Variants in AGTRAP observed in about 807,000 individuals in gnomAD.
The protein encoded by AGTRAP is type-1 angiotensin II receptor-associated protein.
A neutral mutation model predicts 15.2 loss-of-function variants in AGTRAP; 7 were observed. The observed-to-expected ratio is 0.46, with a 90% confidence interval of 0.26 to 0.87. The LOEUF (loss-of-function observed/expected upper bound fraction) is 0.87, where lower values mean the gene tolerates loss of function less well. Among genes scored for constraint, AGTRAP ranks in the 40% least tolerant of loss-of-function variants. The pLI, the probability that AGTRAP is intolerant of heterozygous loss-of-function variation, is 0.15. For missense variants in AGTRAP, 187 were observed against 213.4 expected (o/e 0.88, Z 0.77); for synonymous variants, 74 against 89.6 (o/e 0.83, Z 0.98).
intron 4 of AGTRAP, 149 bp downstream of exon 4, chr1:11,748,759 G>A (rs1351641027): frequency 2.1e-6 from 2 of 944,460 alleles, no homozygotes; most frequent in African/African-American, 1.7e-5. Flanking sequence ...GTACTAGGCT[G>A]GACAGGTCCA....
At chr1:11,736,305 G>A in intron 1 of AGTRAP, 70 bp downstream of exon 1, 2 of 1,571,608 alleles carry the variant, frequency 1.3e-6, no homozygotes, top group East Asian at 2.3e-5. Context: ...CCCGGAAGGT[G>A]GGAGGAAGGA....
In AGTRAP at chr1:11,750,348, C is replaced by T. The variant is rs369321858; in HGVS notation, c.*156C>T. The T allele has an allele frequency of 2.2e-5, 16 of 726,858 alleles. No homozygotes were observed. The highest frequency in any genetic ancestry group is 3.6e-4 in the Middle Eastern group (1 of 2,794). 45.0% of individuals were successfully genotyped at this position (726,858 alleles called of 1,614,324 possible). On this transcript the variant is annotated 3_prime_UTR_variant, in exon 5 of 5. Coordinates refer to ENST00000314340, the MANE Select transcript of AGTRAP (RefSeq NM_020350.5). Reference sequence around the variant, plus strand: ...CAAGAGGCCAGGAGCCCCCATGGGCCGCCCAGTACCATGCACACTCCTGTC... The same window carrying T: ...CAAGAGGCCAGGAGCCCCCATGGGCTGCCCAGTACCATGCACACTCCTGTC...
intron 1 of AGTRAP, among the ~76,000 whole-genome samples, chr1:11,737,181 A>G (rs1418761140): frequency 6.6e-6 from 1 of 152,236 alleles, no homozygotes; most frequent in Non-Finnish European, 1.5e-5. Context: ...CATCTGTGCT[A>G]TGACTTGCTA....
rs1288345361 is a variant in AGTRAP, at chr1:11,745,667, C to T, written c.28-136C>T. The T allele has an allele frequency of 3.3e-6, 3 of 921,388 alleles. No homozygotes were observed. Among genetic ancestry groups the T allele is most frequent in the Non-Finnish European group, 5.3e-6 (3 of 566,582 alleles). 57.1% of individuals were successfully genotyped at this position (921,388 alleles called of 1,614,324 possible). On this transcript the variant is annotated intron_variant, in intron 1 of 4. Coordinates refer to ENST00000314340, the MANE Select transcript of AGTRAP (RefSeq NM_020350.5). The surrounding 1 kb of genome is among the most constrained non-coding windows in gnomAD (Gnocchi z 4.2). ...TGGGCCACCTGCAGTTGCTGGTGTG[C>T]CTTTTCAACAGACATTACTGAGGCC...
chr1:11,742,894 C>G (rs4073575), intron 1 of AGTRAP, among the ~76,000 whole-genome samples: 35,266 of 152,184 alleles, frequency 0.23, 4,723 homozygotes, highest in East Asian at 0.34. Flanking sequence ...GAAACCCCGG[C>G]CTTCTTCGCA....
intron 3 of AGTRAP, among the ~76,000 whole-genome samples, chr1:11,748,094 G>A (rs888265592): frequency 6.6e-6 from 1 of 152,180 alleles, no homozygotes; most frequent in African/African-American, 2.4e-5. Context: ...GTTGGAGAAG[G>A]ACTGGGTGAA....
chr1:11,742,800 G>C (rs2100768356), intron 1 of AGTRAP, among the ~76,000 whole-genome samples: 1 of 152,322 alleles, frequency 6.6e-6, no homozygotes, highest in East Asian at 1.9e-4. Context: ...AAAGTGTTGG[G>C]ATTACAGGCG....
At chr1:11,742,465 T>C (rs1275657406) in intron 1 of AGTRAP, among the ~76,000 whole-genome samples, 9 of 148,738 alleles carry the variant, frequency 6.1e-5, no homozygotes, top group Non-Finnish European at 1.2e-4. Flanking sequence ...TCCTTCCTTC[T>C]TTCCTTCCTT....
intron 3 of AGTRAP, 53 bp downstream of exon 3, chr1:11,747,598 A>G: frequency 6.4e-7 from 1 of 1,568,292 alleles, no homozygotes; most frequent in Non-Finnish European, 8.7e-7. Context: ...GCACAGGGCA[A>G]GACATAGCCT....
At chr1:11,738,087 T>G (rs145068932) in intron 1 of AGTRAP, among the ~76,000 whole-genome samples, 73 of 152,356 alleles carry the variant, frequency 4.8e-4, no homozygotes, top group African/African-American at 1.8e-3. Context: ...TATTTTTGTT[T>G]GCTGGATCTG....
At chr1:11,741,510 G>A (rs1049248784) in intron 1 of AGTRAP, among the ~76,000 whole-genome samples, 5 of 152,274 alleles carry the variant, frequency 3.3e-5, no homozygotes, top group East Asian at 3.9e-4. Flanking sequence ...ACTTAACACC[G>A]TTTATCACTT....
rs1642193054 is a variant in AGTRAP, at chr1:11,747,492, G to T, written c.115G>T (p.Ala39Ser). ...SYAWANFTIL[A>S]LGVWAVAQRD... ...TGCCTGGGCCAACTTCACCATCCTG[G>T]CCTTGGGCGTGTGGGCTGTGGCTCA... Residue 39 changes from alanine to serine, a missense_variant, in exon 3 of 5, where the codon GCC (alanine) becomes TCC (serine). Coordinates refer to ENST00000314340, the MANE Select transcript of AGTRAP (RefSeq NM_020350.5). The T allele has an allele frequency of 6.2e-7, 1 of 1,614,046 alleles. No individual in the cohort carries two copies.
chr1:11,748,525 C>T lies in AGTRAP; in HGVS notation c.279C>T (p.Ile93=). 1 of 1,612,460 alleles carries T rather than the reference C, an allele frequency of 6.2e-7. No individual in the cohort carries two copies. Among genetic ancestry groups the T allele is most frequent in the South Asian group, 1.1e-5 (1 of 91,090 alleles). Residue 93 remains isoleucine, a synonymous_variant, in exon 4 of 5, where the codon ATC becomes ATT. Transcript: ENST00000314340. The stretch of plus-strand genomic sequence containing the variant: ...GCCGCTTTGGCGTGGGCATGGCCAT[C>T]CTCAGCTTGCTGCTCAAGCCGCTCT... ...DTGRFGVGMA[I]LSLLLKPLSC...
intron 2 of AGTRAP, chr1:11,746,059 T>A: frequency 6.6e-7 from 1 of 1,515,120 alleles, no homozygotes; most frequent in Non-Finnish European, 9.1e-7. Context: ...CCCCAGGGCC[T>A]GCCCCACAGT....
At chr1:11,741,935 C>T (rs1023850517) in intron 1 of AGTRAP, among the ~76,000 whole-genome samples, 2 of 152,200 alleles carry the variant, frequency 1.3e-5, no homozygotes, top group Non-Finnish European at 2.9e-5. Flanking sequence ...GAATTATTTT[C>T]CTAGTCTCTT....
chr1:11,749,878 G>A (rs751085003), intron 4 of AGTRAP, among the ~76,000 whole-genome samples, 199 bp from the exon 5 acceptor site: 3 of 152,014 alleles, frequency 2.0e-5, no homozygotes, highest in Non-Finnish European at 2.9e-5. Context: ...AAAAATACCC[G>A]TCGCACAGGG....
At chr1:11,747,373 G>T in intron 2 of AGTRAP, 67 bp from the exon 3 acceptor site, 3 of 1,438,614 alleles carry the variant, frequency 2.1e-6, no homozygotes, top group South Asian at 1.1e-5. Flanking sequence ...CTGAGACGCC[G>T]GAGCAGGAGG....
intron 1 of AGTRAP, among the ~76,000 whole-genome samples, chr1:11,736,811 C>T (rs1052505288): frequency 6.6e-6 from 1 of 152,238 alleles, no homozygotes; most frequent in African/African-American, 2.4e-5. Flanking sequence ...CAACTTTGTG[C>T]ACTGGGGAAA....
chr1:11,742,856 G>A (rs1276834485), intron 1 of AGTRAP, among the ~76,000 whole-genome samples: 2 of 152,138 alleles, frequency 1.3e-5, no homozygotes, highest in Non-Finnish European at 2.9e-5. Flanking sequence ...AGGTGGTGAG[G>A]GCTCCTTCTG....
Sources: allele counts gnomAD v4.1 joint callset (sites outside exome capture counted in the v4.1 genomes callset), GRCh38; gene constraint gnomAD v4.1.1; non-coding constraint Gnocchi (gnomAD v3.1); transcripts MANE v1.5; gene names NCBI Gene and HGNC (gene_info 2026-07-23, HGNC 2026-07-21).